Variants in NXN observed in about 807,000 individuals in gnomAD.
NXN encodes the protein nucleoredoxin 1.
In NXN, 16 loss-of-function variants were observed where a neutral mutation model predicts 48.6. The ratio of observed to expected loss-of-function variants is 0.33; its 90% CI spans 0.22 to 0.50. The LOEUF (loss-of-function observed/expected upper bound fraction) is 0.50. Ranked by LOEUF, NXN falls within the 20% of genes least tolerant of loss-of-function variation. The probability of loss-of-function intolerance (pLI) is 0.98; values close to 1 mark genes in which losing one functional copy is unlikely to be tolerated. For synonymous variants in NXN, 281 were observed against 269.6 expected (o/e 1.04, Z -0.41); for missense variants, 492 against 605.5 (o/e 0.81, Z 1.97).
intron 1 of NXN, among the ~76,000 whole-genome samples, chr17:957,829 A>G (rs1202643982): frequency 6.6e-6 from 1 of 152,020 alleles, no homozygotes; most frequent in Non-Finnish European, 1.5e-5. Flanking sequence ...CAGACCCGAG[A>G]GAGGCAGCTC....
chr17:939,298 T>C (rs986342785), intron 1 of NXN, among the ~76,000 whole-genome samples: 1 of 151,244 alleles, frequency 6.6e-6, no homozygotes, highest in Non-Finnish European at 1.5e-5. Flanking sequence ...TATATACACA[T>C]AGACAGATAG....
chr17:963,494 C>A (rs1043302215), intron 1 of NXN, among the ~76,000 whole-genome samples: 25 of 152,138 alleles, frequency 1.6e-4, no homozygotes, highest in African/African-American at 5.5e-4. Flanking sequence ...TCCCACTACT[C>A]AGGGGGCTGA....
intron 5 of NXN, 63 bp from the exon 6 acceptor site, chr17:805,310 G>A: frequency 1.3e-6 from 2 of 1,519,776 alleles, no homozygotes; most frequent in Non-Finnish European, 1.8e-6. Flanking sequence ...CTGGCAGGAG[G>A]CTCGCGGGGT....
intron 1 of NXN, among the ~76,000 whole-genome samples, chr17:951,730 G>A (rs2069113011): frequency 1.3e-5 from 2 of 152,238 alleles, no homozygotes; most frequent in East Asian, 1.9e-4. Flanking sequence ...GGTGGGGGCC[G>A]GCATTCCTCC....
chr17:972,283 CA>C lies in NXN; in HGVS notation c.360+7035del, dbSNP rs577677860. 2.0e-3 allele frequency among the ~76,000 whole-genome samples: 303 copies of C among 151,026 alleles called. 1 individual carries two copies. Among genetic ancestry groups the C allele is most frequent in the African/African-American group, 7.0e-3 (288 of 40,992 alleles). On this transcript the variant is annotated intron_variant, in intron 1 of 7. Coordinates refer to ENST00000336868, the MANE Select transcript of NXN (RefSeq NM_022463.5). Reference sequence around the variant, plus strand: ...TGTCATTGCACTCCAGCCTGGGCAACAAGAACAAAACTCCATCTCAAAAAAA... The same window carrying C: ...TGTCATTGCACTCCAGCCTGGGCAACAGAACAAAACTCCATCTCAAAAAAA...
At position 969,553 on chromosome 17, in the gene NXN, G is replaced by T. The variant is rs564210418; in HGVS notation, c.360+9766C>A. 1.4e-4 allele frequency among the ~76,000 whole-genome samples: 22 copies of T among 152,250 alleles called. 4 individuals carry two copies. In the South Asian group the frequency reaches 4.6e-3, roughly 32 times the overall value. Reference sequence around the variant, plus strand: ...TTCGGGGCTCCGGCGGTCACACTGCGATTTTTCCCTATTGCACGTGGTCCC... The same window carrying T: ...TTCGGGGCTCCGGCGGTCACACTGCTATTTTTCCCTATTGCACGTGGTCCC... On this transcript the variant is annotated intron_variant, in intron 1 of 7. Coordinates refer to ENST00000336868, the MANE Select transcript of NXN (RefSeq NM_022463.5).
chr17:893,264 C>T (rs1029658142), intron 1 of NXN, among the ~76,000 whole-genome samples: 5 of 152,098 alleles, frequency 3.3e-5, no homozygotes, highest in African/African-American at 9.7e-5. Context: ...TCTGAGTGCG[C>T]ATGGGTTGTG....
At chr17:908,961 C>T (rs2068606509) in intron 1 of NXN, among the ~76,000 whole-genome samples, 1 of 151,958 alleles carries the variant, frequency 6.6e-6, no homozygotes, top group Non-Finnish European at 1.5e-5. Flanking sequence ...AACAAATTAG[C>T]CGGGTGTGGT....
intron 3 of NXN, 85 bp downstream of exon 3, chr17:823,547 C>T (rs1912932071): frequency 1.3e-6 from 2 of 1,510,686 alleles, no homozygotes; most frequent in South Asian, 1.2e-5. Flanking sequence ...CTGGGTGTCT[C>T]ACCCCCAGAA....
chr17:817,648 G>A (rs1055842124), intron 5 of NXN, among the ~76,000 whole-genome samples: 40 of 147,418 alleles, frequency 2.7e-4, no homozygotes, highest in Middle Eastern at 3.6e-3. Context: ...CAGCCAGGGC[G>A]ACAGAGCAAG....
chr17:844,936 A>G (rs1287437177), intron 1 of NXN, among the ~76,000 whole-genome samples: 1 of 151,226 alleles, frequency 6.6e-6, no homozygotes, highest in African/African-American at 2.4e-5. Context: ...AAACAGACCT[A>G]CCCCCAGGAG....
At chr17:841,661 G>A (rs62067134) in intron 1 of NXN, among the ~76,000 whole-genome samples, 6,218 of 42,756 alleles carry the variant, frequency 0.15, 253 homozygotes, top group East Asian at 0.28. Context: ...CGCATCTCAC[G>A]CCGGCGAGCA....
At chr17:821,909 A>G (rs2144640554) in intron 4 of NXN, among the ~76,000 whole-genome samples, 1 of 151,940 alleles carries the variant, frequency 6.6e-6, no homozygotes, top group Non-Finnish European at 1.5e-5. Context: ...AATCTCAAAC[A>G]ATCCAGGCCT....
intron 1 of NXN, among the ~76,000 whole-genome samples, chr17:887,252 T>C (rs1278962981): frequency 6.6e-6 from 1 of 152,040 alleles, no homozygotes; most frequent in Non-Finnish European, 1.5e-5. Flanking sequence ...CATAAATCCA[T>C]GCTAGCTGAC....
chr17:879,320 C>G (rs777784556), intron 1 of NXN, among the ~76,000 whole-genome samples: 16 of 147,512 alleles, frequency 1.1e-4, no homozygotes, highest in Non-Finnish European at 2.1e-4. Context: ...GACAGAGTCT[C>G]ACTCTGTCAC....
At chr17:807,498 C>G (rs765645959) in intron 5 of NXN, among the ~76,000 whole-genome samples, 1 of 152,168 alleles carries the variant, frequency 6.6e-6, no homozygotes, top group Non-Finnish European at 1.5e-5. Context: ...CTCCTCCAAG[C>G]GGCCTTTTTC....
At chr17:969,539 G>A (rs3853817) in intron 1 of NXN, among the ~76,000 whole-genome samples, 3,379 of 152,252 alleles carry the variant, frequency 0.022, 127 homozygotes, top group African/African-American at 0.076. Context: ...TCGGGGCTCC[G>A]GCGGTCACAC....
intron 1 of NXN, among the ~76,000 whole-genome samples, chr17:861,009 G>A (rs926595744): frequency 9.9e-5 from 15 of 152,206 alleles, no homozygotes; most frequent in African/African-American, 3.6e-4. Context: ...TGTAAACAAG[G>A]TTATCACAGT....
At chr17:954,188 G>A (rs565373348) in intron 1 of NXN, among the ~76,000 whole-genome samples, 7 of 152,186 alleles carry the variant, frequency 4.6e-5, no homozygotes, top group African/African-American at 1.7e-4. Context: ...GACCAGCCTG[G>A]CCAACATGGT....
Sources: allele counts gnomAD v4.1 joint callset (sites outside exome capture counted in the v4.1 genomes callset), GRCh38; gene constraint gnomAD v4.1.1; transcripts MANE v1.5; gene names NCBI Gene and HGNC (gene_info 2026-07-23, HGNC 2026-07-21).